Variants in MGAT4C observed in about 807,000 individuals in gnomAD.
MGAT4C encodes MGAT4 family member C.
MGAT4C carries 19 observed loss-of-function variants against 40.1 expected under a neutral mutation model. That is an observed-to-expected ratio of 0.47 (90% CI 0.33 to 0.70). The LOEUF is 0.70. Among genes scored for constraint, MGAT4C ranks in the 30% least tolerant of loss-of-function variants. MGAT4C has a pLI of 0.02. For missense variants in MGAT4C, 491 were observed against 563.2 expected (o/e 0.87, Z 1.30); for synonymous variants, 181 against 187.1 (o/e 0.97, Z 0.27).
chr12:86,407,890 T>A (rs1475868265), intron 3 of MGAT4C, among the ~76,000 whole-genome samples: 1 of 152,082 alleles, frequency 6.6e-6, no homozygotes. Context: ...AGTCAAGCAT[T>A]AAATGTATAG....
intron 1 of MGAT4C, among the ~76,000 whole-genome samples, chr12:86,106,622 T>C (rs938939445): frequency 1.3e-5 from 2 of 152,116 alleles, no homozygotes; most frequent in African/African-American, 4.8e-5. Flanking sequence ...TAAAGAGTAT[T>C]CTCTTGTTCT....
chr12:86,701,963 A>G (rs937739580), intron 2 of MGAT4C, among the ~76,000 whole-genome samples: 13 of 152,200 alleles, frequency 8.5e-5, no homozygotes, highest in African/African-American at 2.2e-4. Flanking sequence ...GTTCTGATGT[A>G]GAAGCTGCAG....
chr12:86,021,349 C>G (rs1211364619), intron 2 of MGAT4C, among the ~76,000 whole-genome samples: 1 of 151,842 alleles, frequency 6.6e-6, no homozygotes, highest in Non-Finnish European at 1.5e-5. Flanking sequence ...AAATGTCCAA[C>G]AAAGATAGAC....
At chr12:85,980,575 T>A (rs1884474268) in intron 4 of MGAT4C, 145 bp from the exon 5 acceptor site, 1 of 670,606 alleles carries the variant, frequency 1.5e-6, no homozygotes, top group Admixed American at 3.3e-5. Context: ...CATTTTATGA[T>A]TAAAGTAATA....
chr12:86,384,069 G>A (rs569021567), intron 3 of MGAT4C, among the ~76,000 whole-genome samples: 1 of 152,110 alleles, frequency 6.6e-6, no homozygotes, highest in Non-Finnish European at 1.5e-5. Flanking sequence ...TCCCTCACAA[G>A]CTCTCTTCTC....
At chr12:86,034,788 T>C (rs6539936) in intron 2 of MGAT4C, among the ~76,000 whole-genome samples, 32,093 of 148,846 alleles carry the variant, frequency 0.22, 5,982 homozygotes, top group Non-Finnish European at 0.31. Flanking sequence ...GTCCATGTGT[T>C]CTCATTGTTC....
chr12:86,641,816 A>G lies in MGAT4C; in HGVS notation c.-229+85393T>C, dbSNP rs532171484. Among the ~76,000 whole-genome samples, 27 of 152,010 alleles carry G rather than the reference A, an allele frequency of 1.8e-4. No homozygotes were observed. The South Asian group carries it at 5.6e-3, about 31-fold the overall frequency. ...CAATTCAAATATAGTCCTGATTGGG[A>G]AGGAACATTAGTATTTAACTAAAGA... On this transcript the variant is annotated intron_variant, in intron 2 of 7. Coordinates refer to the MGAT4C transcript ENST00000548651.
chr12:86,376,605 A>T (rs184289063), intron 3 of MGAT4C, among the ~76,000 whole-genome samples: 2 of 152,320 alleles, frequency 1.3e-5, no homozygotes, highest in Non-Finnish European at 2.9e-5. Context: ...ATTAGGTCAC[A>T]TGACAAGACA....
At chr12:86,534,581 A>C (rs2136376942) in intron 2 of MGAT4C, among the ~76,000 whole-genome samples, 1 of 152,220 alleles carries the variant, frequency 6.6e-6, no homozygotes, top group East Asian at 1.9e-4. Context: ...AACTCTCACC[A>C]TATATTTATG....
At chr12:86,059,734 C>G (rs1250502068) in intron 1 of MGAT4C, among the ~76,000 whole-genome samples, 2 of 152,172 alleles carry the variant, frequency 1.3e-5, no homozygotes, top group African/African-American at 2.4e-5. Context: ...TTACAAGGAG[C>G]TAAAGTGAGA....
chr12:86,165,894 T>C (rs1237087885), intron 1 of MGAT4C, among the ~76,000 whole-genome samples: 3 of 152,186 alleles, frequency 2.0e-5, no homozygotes, highest in Admixed American at 6.5e-5. Context: ...TTAGTGGACA[T>C]AGTAGAGCTG....
intron 1 of MGAT4C, among the ~76,000 whole-genome samples, chr12:86,147,488 G>C (rs1049977679): frequency 6.6e-6 from 1 of 152,078 alleles, no homozygotes; most frequent in African/African-American, 2.4e-5. Context: ...TGATCCACCC[G>C]CCTCGGCCTC....
chr12:86,126,697 T>C (rs376709722), intron 1 of MGAT4C, among the ~76,000 whole-genome samples: 2 of 152,296 alleles, frequency 1.3e-5, no homozygotes, highest in African/African-American at 4.8e-5. Context: ...AGCAGATATA[T>C]ACAGTCATGT....
intron 1 of MGAT4C, among the ~76,000 whole-genome samples, chr12:86,106,892 C>T (rs1876279997): frequency 6.6e-6 from 1 of 152,126 alleles, no homozygotes; most frequent in Admixed American, 6.6e-5. Context: ...TCCAAATCCA[C>T]ATTTTCCTTA....
chr12:86,044,488 C>T (rs1290266304), intron 2 of MGAT4C, among the ~76,000 whole-genome samples: 2 of 152,078 alleles, frequency 1.3e-5, no homozygotes, highest in African/African-American at 2.4e-5. Flanking sequence ...CATGCACACA[C>T]ATATTCTGGC....
At chr12:86,613,142 TAAATG>T (rs1458677148) in intron 2 of MGAT4C, among the ~76,000 whole-genome samples, 1 of 152,204 alleles carries the variant, frequency 6.6e-6, no homozygotes, top group Non-Finnish European at 1.5e-5. Context: ...AACTTGGGGC[TAAATG>T]AAAACGATTA....
intron 2 of MGAT4C, among the ~76,000 whole-genome samples, chr12:86,633,804 T>A (rs1212634857): frequency 3.3e-5 from 5 of 152,142 alleles, no homozygotes; most frequent in African/African-American, 1.2e-4. Context: ...TTAGCCATAA[T>A]TCTAGGAGTT....
chr12:86,489,220 G>A (rs1395200574), intron 2 of MGAT4C, among the ~76,000 whole-genome samples: 1 of 152,134 alleles, frequency 6.6e-6, no homozygotes, highest in African/African-American at 2.4e-5. Flanking sequence ...AGAAGAGAGA[G>A]GTAGAGAGGT....
intron 1 of MGAT4C, among the ~76,000 whole-genome samples, chr12:86,792,723 T>C (rs1201257177): frequency 6.6e-6 from 1 of 151,902 alleles, no homozygotes; most frequent in Non-Finnish European, 1.5e-5. Flanking sequence ...CCTGAGGTCA[T>C]GAGTTCAAGA....
Sources: allele counts gnomAD v4.1 joint callset (sites outside exome capture counted in the v4.1 genomes callset), GRCh38; gene constraint gnomAD v4.1.1; transcripts MANE v1.5; gene names NCBI Gene and HGNC (gene_info 2026-07-23, HGNC 2026-07-21).